VTI1A: variants seen among roughly 807,000 people sequenced by gnomAD.
VTI1A encodes the protein vesicle transport through interaction with t-SNAREs 1A.
Under a neutral mutation model 34.9 loss-of-function variants are expected in VTI1A, and 22 were observed. The observed-to-expected ratio is 0.63, with a 90% CI of 0.45 to 0.90. The LOEUF (loss-of-function observed/expected upper bound fraction) is 0.90. Ranked by LOEUF, VTI1A falls within the 40% of genes least tolerant of loss-of-function variation. VTI1A has a pLI of 0.00. For synonymous variants in VTI1A, 87 were observed against 97.3 expected (o/e 0.89, Z 0.62); for missense variants, 268 against 275.6 (o/e 0.97, Z 0.20).
At chr10:112,704,851 TATGAGGTA>T (rs1849138454) in intron 7 of VTI1A, among the ~76,000 whole-genome samples, 1 of 151,896 alleles carries the variant, frequency 6.6e-6, no homozygotes, top group South Asian at 2.1e-4. Context: ...GGATACCTCT[TATGAGGTA>T]ATGAGATAAT....
chr10:112,791,851 A>G (rs543138407), intron 7 of VTI1A, among the ~76,000 whole-genome samples: 11 of 143,160 alleles, frequency 7.7e-5, no homozygotes, highest in Middle Eastern at 8.1e-3. Context: ...TTTTTGCTTC[A>G]GTAGCCTCCT....
chr10:112,545,884 G>GTA (rs1236160937), intron 5 of VTI1A, among the ~76,000 whole-genome samples: 1 of 151,702 alleles, frequency 6.6e-6, no homozygotes, highest in East Asian at 2.0e-4. Flanking sequence ...ATATATATGT[G>GTA]TATATATGCA....
chr10:112,756,775 CA>C, intron 7 of VTI1A, among the ~76,000 whole-genome samples: 1 of 152,242 alleles, frequency 6.6e-6, no homozygotes, highest in Non-Finnish European at 1.5e-5. Flanking sequence ...TGGCTGGGCA[CA>C]GTGGCTCACA....
chr10:112,840,941 G>A, the VTI1A span, among the ~76,000 whole-genome samples: 1 of 152,102 alleles, frequency 6.6e-6, no homozygotes, highest in African/African-American at 2.4e-5. Context: ...AGCTAATTGG[G>A]GTTAGATGCT....
chr10:112,511,888 G>A lies in VTI1A; in HGVS notation c.265-15199G>A, dbSNP rs141873676. On this transcript the variant is annotated intron_variant, in intron 3 of 7. Transcript: ENST00000393077. ...CCAGTTCCATCCTGTTGCTGCAGAT[G>A]ACATATTTTCAATTGTTTTATGCCT... is the stretch of plus-strand genomic sequence containing the variant. Among the ~76,000 whole-genome samples, 78 of 152,290 alleles carry A rather than the reference G, an allele frequency of 5.1e-4. 1 individual carries two copies. The East Asian group carries it at 0.014, about 26-fold the overall frequency.
chr10:112,530,476 A>G (rs1850378538), intron 4 of VTI1A, among the ~76,000 whole-genome samples: 1 of 152,182 alleles, frequency 6.6e-6, no homozygotes, highest in Non-Finnish European at 1.5e-5. Flanking sequence ...AAAGCCTTTC[A>G]TAGTGAAGTG....
At chr10:112,553,381 G>C (rs1022295213) in intron 5 of VTI1A, among the ~76,000 whole-genome samples, 1 of 152,210 alleles carries the variant, frequency 6.6e-6, no homozygotes, top group Non-Finnish European at 1.5e-5. Flanking sequence ...CTATATGGAG[G>C]TTGTCCTGAG....
rs1358540929 is a variant in VTI1A at position 112,520,643 on chromosome 10, G to A, written c.265-6444G>A. Reference sequence around the variant, plus strand: ...TATATGTGTGTGTGTGTGTGTGTGTGTGTGTATATATATATATATATATAT... The same window carrying A: ...TATATGTGTGTGTGTGTGTGTGTGTATGTGTATATATATATATATATATAT... On this transcript the variant is annotated intron_variant, in intron 3 of 7. Transcript: ENST00000393077. Among the ~76,000 whole-genome samples the A allele has an allele frequency of 6.8e-3, 751 of 109,956 alleles. 9 individuals carry two copies. Among genetic ancestry groups the A allele is most frequent in the African/African-American group, 0.021 (692 of 32,430 alleles). 72.1% of individuals were successfully genotyped at this position (109,956 alleles called of 152,430 possible).
intron 3 of VTI1A, among the ~76,000 whole-genome samples, chr10:112,470,327 G>A (rs1386140745): frequency 6.6e-6 from 1 of 152,140 alleles, no homozygotes; most frequent in African/African-American, 2.4e-5. Flanking sequence ...CAGATTAATG[G>A]GAAAAACCAA....
At chr10:112,810,823 T>C (rs1053883704) in intron 7 of VTI1A, among the ~76,000 whole-genome samples, 22 of 152,178 alleles carry the variant, frequency 1.4e-4, no homozygotes, top group African/African-American at 5.1e-4. Flanking sequence ...ACGCATGATA[T>C]CATCAGTCAT....
At chr10:112,554,835 A>G (rs535268977) in intron 5 of VTI1A, among the ~76,000 whole-genome samples, 2 of 152,206 alleles carry the variant, frequency 1.3e-5, no homozygotes, top group African/African-American at 4.8e-5. Flanking sequence ...TACAAAAACA[A>G]CAATATGAAC....
chr10:112,754,848 A>G (rs140480755), intron 7 of VTI1A, among the ~76,000 whole-genome samples: 60 of 152,324 alleles, frequency 3.9e-4, no homozygotes, highest in Non-Finnish European at 8.2e-4. Flanking sequence ...ACTTCTCTCA[A>G]ATGGAGACTA....
At chr10:112,763,921 G>A (rs573556546) in intron 7 of VTI1A, among the ~76,000 whole-genome samples, 1 of 152,164 alleles carries the variant, frequency 6.6e-6, no homozygotes, top group Non-Finnish European at 1.5e-5. Flanking sequence ...ATCTCAATCG[G>A]TTTATCTGTC....
At chr10:112,665,381 T>G (rs1234226777) in intron 5 of VTI1A, among the ~76,000 whole-genome samples, 1 of 152,112 alleles carries the variant, frequency 6.6e-6, no homozygotes, top group Non-Finnish European at 1.5e-5. Context: ...TGTGATATAT[T>G]TGGCCTGAAA....
In VTI1A at chr10:112,756,819, G is replaced by A. The variant is rs186250498; in HGVS notation, c.561-58471G>A. 5.6e-3 allele frequency among the ~76,000 whole-genome samples: 854 copies of A among 152,186 alleles called. 10 individuals are homozygous for A. Among genetic ancestry groups the A allele is most frequent in the African/African-American group, 0.019 (770 of 41,506 alleles). ...TCCTAGCACTTTAGGAGGCCGAGCC[G>A]GGAGAATCCCTGAGTCCCAGAGCTC... On this transcript the variant is annotated intron_variant, in intron 7 of 7. Transcript: ENST00000393077.
intron 5 of VTI1A, among the ~76,000 whole-genome samples, chr10:112,619,926 G>C (rs971284064): frequency 1.3e-5 from 2 of 152,164 alleles, no homozygotes; most frequent in Admixed American, 1.3e-4. Flanking sequence ...TGGAGAACAT[G>C]GCTGTCCATG....
intron 5 of VTI1A, among the ~76,000 whole-genome samples, chr10:112,631,228 T>C (rs1846119547): frequency 6.6e-6 from 1 of 152,158 alleles, no homozygotes; most frequent in African/African-American, 2.4e-5. Flanking sequence ...GTAAAGAATA[T>C]TAATTTTTAA....
At position 112,637,877 on chromosome 10, in the gene VTI1A, G is replaced by A. The variant is rs561633295; in HGVS notation, c.428-30341G>A. Among the ~76,000 whole-genome samples, 328 of 152,242 alleles carry A rather than the reference G, an allele frequency of 2.2e-3. 1 individual carries two copies. Among genetic ancestry groups the A allele is most frequent in the Non-Finnish European group, 3.7e-3 (252 of 67,990 alleles). On this transcript the variant is annotated intron_variant, in intron 5 of 7. Transcript: ENST00000393077. ...GGATTAGGGAGTAAAATGGTAGTAC[G>A]AAAAAATTGTCTTGTATACAGTTGC...
At chr10:112,638,097 G>A (rs768440799) in intron 5 of VTI1A, among the ~76,000 whole-genome samples, 1 of 152,208 alleles carries the variant, frequency 6.6e-6, no homozygotes, top group Non-Finnish European at 1.5e-5. Flanking sequence ...AGCATTCGTA[G>A]CAATCCTTGA....
Sources: allele counts gnomAD v4.1 joint callset (sites outside exome capture counted in the v4.1 genomes callset), GRCh38; gene constraint gnomAD v4.1.1; transcripts MANE v1.5; gene names NCBI Gene and HGNC (gene_info 2026-07-23, HGNC 2026-07-21).